Variants in MED24 observed in about 807,000 individuals in gnomAD.
MED24 encodes mediator of RNA polymerase II transcription subunit 24.
MED24 carries 74 observed loss-of-function variants against 118.8 expected under a neutral mutation model. The observed-to-expected ratio is 0.62, with a 90% CI of 0.52 to 0.76. The LOEUF (loss-of-function observed/expected upper bound fraction) is 0.76. Among genes scored for constraint, MED24 ranks in the 30% least tolerant of loss-of-function variants. The pLI, the probability that MED24 is intolerant of heterozygous loss-of-function variation, is 0.00. For synonymous variants in MED24, 521 were observed against 523.9 expected, an observed-to-expected ratio of 0.99 and a Z score of 0.08; for missense variants, 1,041 against 1,278.9, an observed-to-expected ratio of 0.81 and a Z score of 2.84.
intron 13 of MED24, among the ~76,000 whole-genome samples, chr17:40,029,467 G>A (rs1183341616): frequency 6.6e-6 from 1 of 152,146 alleles, no homozygotes; most frequent in East Asian, 1.9e-4. Context: ...CAAAATGCTG[G>A]GATTACAGGC....
chr17:40,028,755 C>T lies in MED24; in HGVS notation c.1409+71G>A, dbSNP rs1983018634. The stretch of plus-strand genomic sequence containing the variant: ...AGACCCAGACCCAGGCACCTGACTC[C>T]TACCCTGCTACCTCCTCCCAACGCG... On this transcript the variant is annotated intron_variant, in intron 14 of 25. Coordinates refer to ENST00000394128, the MANE Select transcript of MED24 (RefSeq NM_014815.4). The T allele has an allele frequency of 4.9e-5, 77 of 1,583,102 alleles. 2 individuals carry two copies. In the South Asian group the frequency reaches 8.7e-4, roughly 18 times the overall value.
intron 18 of MED24, 32 bp downstream of exon 18, chr17:40,026,615 G>A (rs1329697694): frequency 1.9e-6 from 3 of 1,568,110 alleles, no homozygotes; most frequent in East Asian, 2.3e-5. Context: ...TGTGTCTCAG[G>A]GGAGCAAACG....
intron 3 of MED24, among the ~76,000 whole-genome samples, chr17:40,048,701 G>A (rs1036355062): frequency 2.0e-5 from 3 of 151,712 alleles, no homozygotes; most frequent in Non-Finnish European, 2.9e-5. Context: ...TTACAGGTGC[G>A]CACCACCACA....
chr17:40,025,249 G>A (rs924468306), intron 19 of MED24, among the ~76,000 whole-genome samples: 1 of 152,104 alleles, frequency 6.6e-6, no homozygotes, highest in African/African-American at 2.4e-5. Flanking sequence ...GGGAGACCAC[G>A]GTGAGAGGAT....
intron 3 of MED24, among the ~76,000 whole-genome samples, chr17:40,042,196 G>A (rs1255519882): frequency 6.6e-6 from 1 of 152,020 alleles, no homozygotes; most frequent in Non-Finnish European, 1.5e-5. Context: ...ACAAAGTCAA[G>A]GAAATCTGGA....
intron 15 of MED24, 34 bp from the exon 16 acceptor site, chr17:40,027,499 G>C (rs375257194): frequency 6.3e-7 from 1 of 1,578,678 alleles, no homozygotes; most frequent in Non-Finnish European, 8.6e-7. Flanking sequence ...GCTCCCAGAC[G>C]AGGGCAGGGG....
chr17:40,022,860 A>G lies in MED24; in HGVS notation c.2251-34T>C, dbSNP rs763033693. Reference sequence around the variant, plus strand: ...CAGGAAAGGGGGCAGTTCAGGAGCCAGGGGCCCGGGATCTGGGGCTCCTAC... The same window carrying G: ...CAGGAAAGGGGGCAGTTCAGGAGCCGGGGGCCCGGGATCTGGGGCTCCTAC... On this transcript the variant is annotated intron_variant, in intron 20 of 25. Coordinates refer to ENST00000394128, the MANE Select transcript of MED24 (RefSeq NM_014815.4). 3 of 1,605,568 alleles carry G rather than the reference A, an allele frequency of 1.9e-6. No individual in the cohort carries two copies. The Admixed American group carries it at 5.0e-5, about 27-fold the overall frequency.
In MED24 at chr17:40,040,216, C is replaced by T. The variant is rs548445253; in HGVS notation, c.214-4062G>A. ...GCCTCAGCCTCCCGAGTAGCTGGGA[C>T]TACAGGCACGCGCCACCATGCCCGG... is the stretch of plus-strand genomic sequence containing the variant. On this transcript the variant is annotated intron_variant, in intron 3 of 25. Transcript: ENST00000394128. Among the ~76,000 whole-genome samples the T allele has an allele frequency of 1.8e-4, 28 of 151,768 alleles. 1 individual carries two copies. In the East Asian group the frequency reaches 5.4e-3, roughly 30 times the overall value.
chr17:40,042,678 CA>C (rs894444113), intron 3 of MED24, among the ~76,000 whole-genome samples: 1 of 150,914 alleles, frequency 6.6e-6, no homozygotes, highest in Non-Finnish European at 1.5e-5. Flanking sequence ...TACTCCGTCT[CA>C]AAAAAAACAG....
intron 18 of MED24, 132 bp downstream of exon 18, chr17:40,026,515 T>G (rs1282073903): frequency 7.9e-6 from 9 of 1,139,286 alleles, no homozygotes; most frequent in Non-Finnish European, 1.1e-5. Flanking sequence ...AAGACAACGA[T>G]TACACAAAAT....
chr17:40,027,345 T>A (rs1200004128), intron 16 of MED24, 38 bp downstream of exon 16: 2 of 1,591,226 alleles, frequency 1.3e-6, no homozygotes, highest in African/African-American at 1.3e-5. Flanking sequence ...GTTACCTCCT[T>A]CCCTTGAGCC....
In MED24 at chr17:40,033,507, A is replaced by T; in HGVS notation, c.560-51T>A. The T allele has an allele frequency of 6.8e-7, 1 of 1,469,920 alleles. No individual in the cohort carries two copies. Among genetic ancestry groups the T allele is most frequent in the Non-Finnish European group, 9.3e-7 (1 of 1,074,746 alleles). 91.1% of individuals were successfully genotyped at this position (1,469,920 alleles called of 1,614,324 possible). A position where few individuals can be genotyped will look rare whatever the true frequency, so the allele number is the denominator to read the frequency against. ...ACATGATGGGAAACAGGAGAGAAGG[A>T]GCACCTGGCCCTGAACTCCTCGATT... On this transcript the variant is annotated intron_variant, in intron 6 of 25. Transcript: ENST00000394128. The surrounding 1 kb of genome is among the most constrained non-coding windows in gnomAD (Gnocchi z 5.2).
At chr17:40,039,340 C>T (rs554388322) in intron 3 of MED24, among the ~76,000 whole-genome samples, 1 of 152,176 alleles carries the variant, frequency 6.6e-6, no homozygotes, top group Non-Finnish European at 1.5e-5. Flanking sequence ...CCACCACAGG[C>T]CCCCAGGGCA....
chr17:40,022,834 G>A lies in MED24; in HGVS notation c.2251-8C>T, dbSNP rs760339356. 26 of 1,612,274 alleles carry A rather than the reference G, an allele frequency of 1.6e-5. No individual in the cohort carries two copies. The highest frequency in any genetic ancestry group is 1.1e-4 in the East Asian group (5 of 44,868). On this transcript the variant is annotated splice_polypyrimidine_tract_variant and splice_region_variant and intron_variant, in intron 20 of 25. Coordinates refer to ENST00000394128, the MANE Select transcript of MED24 (RefSeq NM_014815.4). ...CGTCTCCTTCAGCAGCTCCTAGTGC[G>A]CAGGAAAGGGGGCAGTTCAGGAGCC...
chr17:40,028,201 C>T (rs1008498822), intron 14 of MED24: 41 of 411,726 alleles, frequency 1.0e-4, no homozygotes, highest in Middle Eastern at 7.5e-4. Flanking sequence ...CTGCAACCTC[C>T]GCCTCTGTTC....
chr17:40,031,745 G>T (rs1384232989), intron 10 of MED24, 125 bp from the exon 11 acceptor site: 2 of 906,692 alleles, frequency 2.2e-6, no homozygotes, highest in Admixed American at 2.4e-5. Flanking sequence ...GAGCCTGGGT[G>T]TATGTTGTGG....
chr17:40,036,876 A>C (rs549011926), intron 3 of MED24, among the ~76,000 whole-genome samples: 20 of 152,216 alleles, frequency 1.3e-4, no homozygotes, highest in Non-Finnish European at 2.5e-4. Context: ...CTGAGCAGGT[A>C]GTACCTGCAC....
At chr17:40,029,718 A>C (rs1393407680) in intron 13 of MED24, 30 bp downstream of exon 13, 1 of 1,585,576 alleles carries the variant, frequency 6.3e-7, no homozygotes, top group Non-Finnish European at 8.7e-7. Context: ...GAAAGAGAAG[A>C]CTGTGGTGGC....
intron 20 of MED24, 80 bp from the exon 21 acceptor site, chr17:40,022,906 C>A: frequency 1.3e-6 from 2 of 1,528,272 alleles, no homozygotes; most frequent in Non-Finnish European, 1.8e-6. Context: ...CCCAGCATGG[C>A]TGTCCAGTAA....
Sources: allele counts gnomAD v4.1 joint callset (sites outside exome capture counted in the v4.1 genomes callset), GRCh38; gene constraint gnomAD v4.1.1; non-coding constraint Gnocchi (gnomAD v3.1); transcripts MANE v1.5; gene names NCBI Gene and HGNC (gene_info 2026-07-23, HGNC 2026-07-21).